Variants in MYOM3 observed in about 807,000 individuals in gnomAD.
The protein encoded by MYOM3 is myomesin-3.
MYOM3 carries 155 observed loss-of-function variants against 191.7 expected under a neutral mutation model. The observed-to-expected ratio is 0.81, with a 90% confidence interval of 0.71 to 0.92. MYOM3 has a LOEUF of 0.92. MYOM3 is among the 40% of genes least tolerant of loss of function. The pLI, the probability that MYOM3 is intolerant of heterozygous loss-of-function variation, is 0.00. For missense variants in MYOM3, 1,889 were observed against 1,890.6 expected (o/e 1.00, Z 0.02); for synonymous variants, 757 against 762.9 (o/e 0.99, Z 0.13).
At chr1:24,085,203 T>C (rs1276450719) in intron 15 of MYOM3, among the ~76,000 whole-genome samples, 1 of 151,716 alleles carries the variant, frequency 6.6e-6, no homozygotes, top group Non-Finnish European at 1.5e-5. Flanking sequence ...GATGGATGGA[T>C]AGATGGATGG....
intron 25 of MYOM3, among the ~76,000 whole-genome samples, chr1:24,068,677 T>A (rs4336793): frequency 0.17 from 26,529 of 152,056 alleles, 2,576 homozygotes; most frequent in South Asian, 0.3. Flanking sequence ...TGATTTTGCC[T>A]ATTTTCTTTT....
chr1:24,061,387 C>A, intron 33 of MYOM3, 78 bp from the exon 34 acceptor site: 1 of 1,429,748 alleles, frequency 7.0e-7, no homozygotes, highest in African/African-American at 1.4e-5. Flanking sequence ...ACCCTGGGAG[C>A]AAAGCTTATC....
At chr1:24,097,831 C>T (rs1425599489) in intron 7 of MYOM3, 92 bp downstream of exon 7, 1 of 886,006 alleles carries the variant, frequency 1.1e-6, no homozygotes, top group African/African-American at 1.6e-5. Flanking sequence ...TGCCTATGGC[C>T]CTTCCTCAGG....
intron 6 of MYOM3, among the ~76,000 whole-genome samples, chr1:24,098,341 T>C (rs1643889847): frequency 6.6e-6 from 1 of 152,156 alleles, no homozygotes; most frequent in Non-Finnish European, 1.5e-5. Context: ...ACAGAGCAAA[T>C]GGAACTCAAC....
chr1:24,057,257 T>A lies in MYOM3; in HGVS notation c.*107A>T. ...ACATCCTGGGTTCTATCTTGTCCCC[T>A]TTCCTTCTGCCCCACCCCTGTAGCC... On this transcript the variant is annotated 3_prime_UTR_variant, in exon 37 of 37. Coordinates refer to ENST00000374434, the MANE Select transcript of MYOM3 (RefSeq NM_152372.4). 1 of 1,164,326 alleles carries A rather than the reference T, an allele frequency of 8.6e-7. No homozygotes were observed. Among genetic ancestry groups the A allele is most frequent in the Non-Finnish European group, 1.2e-6 (1 of 825,040 alleles). 72.1% of individuals were successfully genotyped at this position (1,164,326 alleles called of 1,614,324 possible).
intron 8 of MYOM3, 150 bp from the exon 9 acceptor site, chr1:24,095,140 C>G (rs1315717107): frequency 3.5e-6 from 3 of 854,952 alleles, no homozygotes; most frequent in African/African-American, 1.7e-5. Flanking sequence ...GGGGAAGAGA[C>G]TTATCTAGGT....
At chr1:24,062,327 TAG>T (rs1290941326) in intron 32 of MYOM3, among the ~76,000 whole-genome samples, 2 of 152,218 alleles carry the variant, frequency 1.3e-5, no homozygotes, top group Non-Finnish European at 2.9e-5. Context: ...TCATCATTCC[TAG>T]AGACGCTGTC....
intron 25 of MYOM3, among the ~76,000 whole-genome samples, chr1:24,068,781 T>TA (rs1366585313): frequency 4.6e-5 from 7 of 152,148 alleles, no homozygotes; most frequent in African/African-American, 1.4e-4. Context: ...TGGAGTGCAG[T>TA]GGCGCAATCT....
chr1:24,108,527 T>C lies in MYOM3; in HGVS notation c.110A>G (p.Gln37Arg), dbSNP rs1204232003. The C allele has an allele frequency of 6.3e-7, 1 of 1,580,430 alleles. No homozygotes were observed. The highest frequency in any genetic ancestry group is 8.6e-7 in the Non-Finnish European group (1 of 1,163,780). ...RQEEEQKEERQHSLRMGSSVR... is the reference protein window; with the variant it reads ...RQEEEQKEERRHSLRMGSSVR... The stretch of plus-strand genomic sequence containing the variant: ...AGAGGAGCCCATGCGCAGGCTGTGC[T>C]GCCGCTCCTCCTTCTGCTCCTCCTC... Residue 37 changes from glutamine (Q) to arginine (R), a missense_variant, in exon 2 of 37, where the codon CAG becomes CGG. Physicochemically the swap from Gln to Arg is conservative, Grantham distance 43 (BLOSUM62 1). Transcript: ENST00000374434.
chr1:24,092,228 C>T lies in MYOM3; in HGVS notation c.1178G>A (p.Trp393Ter). The T allele has an allele frequency of 6.9e-7, 1 of 1,443,116 alleles. No individual in the cohort carries two copies. The highest frequency in any genetic ancestry group is 9.2e-7 in the Non-Finnish European group (1 of 1,090,032). 89.4% of individuals were successfully genotyped at this position (1,443,116 alleles called of 1,614,324 possible). A position where few individuals can be genotyped will look rare whatever the true frequency, so the allele number is the denominator to read the frequency against. ...GCCCCGGGTGTCACTGGGCGGGGCC[C>T]AAGTCAGGATGAGGCAGTCTCTGTT... The part of the protein sequence containing the change: ...DVNRDCLILT[W>*]APPSDTRGNP... Residue 393 changes from tryptophan to a stop codon, truncating the protein, a stop_gained, in exon 11 of 37, where the codon TGG (tryptophan) becomes TAG (stop). Coordinates refer to ENST00000374434, the MANE Select transcript of MYOM3 (RefSeq NM_152372.4). LOFTEE classifies it high-confidence loss of function.
rs201072666 is a variant in MYOM3, at chr1:24,076,255, C to G, written c.2605G>C (p.Gly869Arg). Residue 869 changes from glycine to arginine, a missense_variant, in exon 21 of 37, where the codon GGA becomes CGA. Physicochemically the swap from Gly to Arg is moderately radical, Grantham distance 125. Transcript: ENST00000374434. ...TGTACCTGGAACACGTAACTCTTTC[C>G]TGGCTGCAAGTCGGAAACCTGGGGG... ...THLRVSDLQPGKSYVFQVQAM... is the reference protein window; with the variant it reads ...THLRVSDLQPRKSYVFQVQAM... 4 of 1,614,168 alleles carry G rather than the reference C, an allele frequency of 2.5e-6. No individual in the cohort carries two copies. In the South Asian group the frequency reaches 4.4e-5, roughly 18 times the overall value.
chr1:24,081,609 C>T (rs569721614), intron 18 of MYOM3, 153 bp from the exon 19 acceptor site: 4 of 906,652 alleles, frequency 4.4e-6, no homozygotes, highest in East Asian at 2.7e-5. Flanking sequence ...GTCACCCAGG[C>T]TGGAGTGCAG....
At chr1:24,062,685 C>T (rs1643384879) in intron 32 of MYOM3, among the ~76,000 whole-genome samples, 1 of 152,186 alleles carries the variant, frequency 6.6e-6, no homozygotes, top group Non-Finnish European at 1.5e-5. Flanking sequence ...CCTTTTCCTG[C>T]ATGTTTCCCC....
At chr1:24,105,314 C>T (rs913331924) in intron 5 of MYOM3, among the ~76,000 whole-genome samples, 4 of 152,228 alleles carry the variant, frequency 2.6e-5, no homozygotes, top group Admixed American at 1.3e-4. Context: ...TGAGACCTCA[C>T]GCTGAGTGAG....
chr1:24,073,442 A>T (rs1643554980), intron 23 of MYOM3, among the ~76,000 whole-genome samples: 2 of 152,158 alleles, frequency 1.3e-5, no homozygotes, highest in Non-Finnish European at 1.5e-5. Context: ...CGCAGTCCCC[A>T]GCGCTCCCTA....
chr1:24,061,446 G>GTCCTGCCAC, intron 33 of MYOM3, 137 bp from the exon 34 acceptor site: 1 of 853,768 alleles, frequency 1.2e-6, no homozygotes, highest in Non-Finnish European at 1.9e-6. Context: ...CTTTGGGGCA[G>GTCCTGCCAC]TGGCAGGACT....
At position 24,082,101 on chromosome 1, in the gene MYOM3, C is replaced by T. The variant is rs749747102; in HGVS notation, c.2180G>A (p.Gly727Glu). The T allele has an allele frequency of 6.2e-7, 1 of 1,613,136 alleles. No individual in the cohort carries two copies. Among genetic ancestry groups the T allele is most frequent in the Non-Finnish European group, 8.5e-7 (1 of 1,179,866 alleles). ...VIGWKPPKRR[G>E]GGKILGYFLD... ...GAAGTAGCCCAGGATCTTGCCACCT[C>T]CACGACGCTTGGGGGGTTTCCACCC... Residue 727 changes from glycine to glutamate, a missense_variant, in exon 18 of 37, where the codon GGA becomes GAA. Coordinates refer to ENST00000374434, the MANE Select transcript of MYOM3 (RefSeq NM_152372.4).
At chr1:24,101,445 T>C (rs1178362776) in intron 5 of MYOM3, among the ~76,000 whole-genome samples, 1 of 152,210 alleles carries the variant, frequency 6.6e-6, no homozygotes, top group Non-Finnish European at 1.5e-5. Context: ...GGGATCAGTA[T>C]TTTGAAAATC....
At chr1:24,084,212 C>T in intron 16 of MYOM3, 1 of 441,256 alleles carries the variant, frequency 2.3e-6, no homozygotes, top group Non-Finnish European at 4.1e-6. Flanking sequence ...ATGAGATCTG[C>T]TTGTTTGGAA....
Sources: allele counts gnomAD v4.1 joint callset (sites outside exome capture counted in the v4.1 genomes callset), GRCh38; gene constraint gnomAD v4.1.1; transcripts MANE v1.5; gene names NCBI Gene and HGNC (gene_info 2026-07-23, HGNC 2026-07-21).